Variants in RAB40B observed in about 807,000 individuals in gnomAD.
RAB40B encodes the protein ras-related protein Rab-40B.
A neutral mutation model predicts 24.0 loss-of-function variants in RAB40B; 21 were observed. The ratio of observed to expected loss-of-function variants is 0.88; its 90% confidence interval spans 0.62 to 1.26. The LOEUF is 1.26. Ranked by LOEUF, RAB40B falls within the 50% of genes most tolerant of loss-of-function variation. The pLI is 0.00. For synonymous variants in RAB40B, 167 were observed against 169.8 expected, an observed-to-expected ratio of 0.98 and a Z score of 0.13; for missense variants, 348 against 390.5, an observed-to-expected ratio of 0.89 and a Z score of 0.92.
chr17:82,680,639 T>G (rs1218052576), intron 1 of RAB40B, among the ~76,000 whole-genome samples: 3 of 152,244 alleles, frequency 2.0e-5, no homozygotes, highest in African/African-American at 7.2e-5. Context: ...TTTATGTATA[T>G]ATATGATTTT....
At chr17:82,687,875 A>G (rs2046517503) in intron 1 of RAB40B, among the ~76,000 whole-genome samples, 1 of 152,134 alleles carries the variant, frequency 6.6e-6, no homozygotes, top group East Asian at 1.9e-4. Flanking sequence ...AATTCAAGAC[A>G]AGCCTGGGCG....
At chr17:82,669,866 C>A (rs987538229) in intron 1 of RAB40B, among the ~76,000 whole-genome samples, 1 of 152,158 alleles carries the variant, frequency 6.6e-6, no homozygotes, top group African/African-American at 2.4e-5. Flanking sequence ...ACACACTGAG[C>A]GTGAAACACA....
chr17:82,687,363 G>A (rs2046513069), intron 1 of RAB40B, among the ~76,000 whole-genome samples: 1 of 152,016 alleles, frequency 6.6e-6, no homozygotes, highest in African/African-American at 2.4e-5. Context: ...GTATATTTAT[G>A]CCTCTGTAAA....
chr17:82,690,231 A>G (rs1252975798), intron 1 of RAB40B, among the ~76,000 whole-genome samples: 1 of 149,940 alleles, frequency 6.7e-6, no homozygotes, highest in East Asian at 2.0e-4. Flanking sequence ...TGGAGGGAGC[A>G]CGGAGTGTGC....
chr17:82,682,234 G>A (rs1424139742), intron 1 of RAB40B, among the ~76,000 whole-genome samples: 1 of 151,558 alleles, frequency 6.6e-6, no homozygotes, highest in African/African-American at 2.4e-5. Flanking sequence ...AAATATACAA[G>A]GCCAACATGG....
intron 1 of RAB40B, among the ~76,000 whole-genome samples, chr17:82,670,859 C>T (rs1409918355): frequency 1.3e-5 from 2 of 151,984 alleles, no homozygotes; most frequent in Middle Eastern, 3.2e-3. Context: ...AAGCGCCCTA[C>T]GAGTTTCAAA....
At chr17:82,671,976 C>CACATGCTCCCTGT (rs1469169599) in intron 1 of RAB40B, among the ~76,000 whole-genome samples, 9 of 34 alleles carry the variant, frequency 0.26, 4 homozygotes, top group East Asian at 0.5. Flanking sequence ...CACACACACT[C>CACATGCTCCCTGT]ACCCACTGAC....
In RAB40B at chr17:82,658,664, G is replaced by A. The variant is rs1380191731; in HGVS notation, c.392C>T (p.Ala131Val). The A allele has an allele frequency of 1.9e-6, 3 of 1,613,284 alleles. No individual in the cohort carries two copies. Among genetic ancestry groups the A allele is most frequent in the Non-Finnish European group, 2.5e-6 (3 of 1,179,916 alleles). Reference sequence around the variant, plus strand: ...CTCCGTGGGCACCTGCCGCTTGAACGCCAGGTGCAGGCGGTTCCCCACCAG... The same window carrying A: ...CTCCGTGGGCACCTGCCGCTTGAACACCAGGTGCAGGCGGTTCCCCACCAG... Reference protein sequence around the residue: ...KILVGNRLHLAFKRQVPTEQA... With the variant: ...KILVGNRLHLVFKRQVPTEQA... The change falls in exon 5 of 6, where the codon GCG (alanine) becomes GTG (valine). Residue 131 changes from alanine (A) to valine (V), a missense_variant. Physicochemically the swap from Ala to Val is moderately conservative, Grantham distance 64. Coordinates refer to ENST00000571995, the MANE Select transcript of RAB40B (RefSeq NM_006822.3).
At chr17:82,672,497 G>A (rs993581116) in intron 1 of RAB40B, among the ~76,000 whole-genome samples, 1 of 152,210 alleles carries the variant, frequency 6.6e-6, no homozygotes, top group South Asian at 2.1e-4. Flanking sequence ...GAATGTGTCC[G>A]CTAAACTTCA....
At chr17:82,670,591 G>A (rs957933553) in intron 1 of RAB40B, among the ~76,000 whole-genome samples, 8 of 149,156 alleles carry the variant, frequency 5.4e-5, no homozygotes. Flanking sequence ...CTGGAGTGCA[G>A]TGGCGCGATC....
At position 82,689,176 on chromosome 17, in the gene RAB40B, A is replaced by G. The variant is rs549115389; in HGVS notation, c.142+9279T>C. ...TCTGACGCCCCTTGCCACTGTCTTC[A>G]CTCCAAATGCACCCAGCGCGGAGCA... On this transcript the variant is annotated intron_variant, in intron 1 of 5. Coordinates refer to ENST00000571995, the MANE Select transcript of RAB40B (RefSeq NM_006822.3). Among the ~76,000 whole-genome samples, 21 of 152,334 alleles carry G rather than the reference A, an allele frequency of 1.4e-4. No homozygotes were observed. The South Asian group carries it at 3.1e-3, about 23-fold the overall frequency.
chr17:82,686,569 G>A (rs762098181), intron 1 of RAB40B, among the ~76,000 whole-genome samples: 4 of 152,162 alleles, frequency 2.6e-5, no homozygotes, highest in Non-Finnish European at 5.9e-5. Context: ...GGACTGGAAC[G>A]GTGCTGCCAC....
At chr17:82,685,476 C>A (rs956405381) in intron 1 of RAB40B, among the ~76,000 whole-genome samples, 4 of 152,320 alleles carry the variant, frequency 2.6e-5, no homozygotes, top group East Asian at 3.9e-4. Context: ...AGCTGTGTAG[C>A]CCGTAGGGTC....
rs567215542 is a variant in RAB40B at position 82,684,028 on chromosome 17, C to T, written c.142+14427G>A. On this transcript the variant is annotated intron_variant, in intron 1 of 5. Coordinates refer to ENST00000571995, the MANE Select transcript of RAB40B (RefSeq NM_006822.3). Reference sequence around the variant, plus strand: ...CTGAAGTCAGGAGTTCGAGACCAGCCTGGCCAACATGGTGAAACCCTGTCT... The same window carrying T: ...CTGAAGTCAGGAGTTCGAGACCAGCTTGGCCAACATGGTGAAACCCTGTCT... Among the ~76,000 whole-genome samples, 4 of 151,974 alleles carry T rather than the reference C, an allele frequency of 2.6e-5. No homozygotes were observed. The East Asian group carries it at 5.8e-4, about 22-fold the overall frequency.
Position 82,695,051 on chromosome 17 carries a change from C to T in RAB40B, c.142+3404G>A, listed in dbSNP as rs572882250. Among the ~76,000 whole-genome samples the T allele has an allele frequency of 2.6e-5, 4 of 151,818 alleles. No homozygotes were observed. The East Asian group carries it at 7.7e-4, about 29-fold the overall frequency. ...TGAATTGATACTAAATCATTGCGGG[C>T]ACTACAGCCACAATACAGAAGCAAG... On this transcript the variant is annotated intron_variant, in intron 1 of 5. Coordinates refer to ENST00000571995, the MANE Select transcript of RAB40B (RefSeq NM_006822.3).
At chr17:82,662,385 C>A in intron 2 of RAB40B, 1 of 985,450 alleles carries the variant, frequency 1.0e-6, no homozygotes, top group Non-Finnish European at 1.2e-6. Context: ...GCCGAAGGGC[C>A]AGCACGTGCT....
Position 82,698,642 on chromosome 17 carries a change from G to A in RAB40B, c.-46C>T, listed in dbSNP as rs1174023972. ...ACCCATGCCCGGCCTGCGGGGCTGA[G>A]CGCAGAGGCGGCGGCCCGGCCCCGA... On this transcript the variant is annotated 5_prime_UTR_variant, in exon 1 of 6. Coordinates refer to ENST00000571995, the MANE Select transcript of RAB40B (RefSeq NM_006822.3). 1 of 1,261,294 alleles carries A rather than the reference G, an allele frequency of 7.9e-7. No homozygotes were observed. The highest frequency in any genetic ancestry group is 2.4e-5 in the South Asian group (1 of 40,920). 78.1% of individuals were successfully genotyped at this position (1,261,294 alleles called of 1,614,324 possible).
At chr17:82,668,552 G>A (rs2046288243) in intron 1 of RAB40B, among the ~76,000 whole-genome samples, 2 of 152,282 alleles carry the variant, frequency 1.3e-5, no homozygotes, top group Non-Finnish European at 2.9e-5. Context: ...TCCCGAGGGG[G>A]CTGAGGTGGC....
chr17:82,681,685 A>G lies in RAB40B; in HGVS notation c.142+16770T>C, dbSNP rs3848402. The stretch of plus-strand genomic sequence containing the variant: ...AACTCCATCAATAAAAAATATACCA[A>G]ATTCGGCAATCTATTATTGTAGGAA... On this transcript the variant is annotated intron_variant, in intron 1 of 5. Coordinates refer to ENST00000571995, the MANE Select transcript of RAB40B (RefSeq NM_006822.3). 8.9e-3 allele frequency among the ~76,000 whole-genome samples: 1,350 copies of G among 152,272 alleles called. 25 individuals are homozygous for G. Among genetic ancestry groups the G allele is most frequent in the African/African-American group, 0.031 (1,280 of 41,522 alleles).
Sources: allele counts gnomAD v4.1 joint callset (sites outside exome capture counted in the v4.1 genomes callset), GRCh38; gene constraint gnomAD v4.1.1; transcripts MANE v1.5; gene names NCBI Gene and HGNC (gene_info 2026-07-23, HGNC 2026-07-21).